Variants in FSTL5 observed in about 807,000 individuals in gnomAD.
FSTL5 encodes follistatin-related protein 5.
Under a neutral mutation model 89.1 loss-of-function variants are expected in FSTL5, and 62 were observed. The observed-to-expected ratio is 0.70, with a 90% CI of 0.57 to 0.86. The LOEUF is 0.86. FSTL5 is among the 40% of genes least tolerant of loss of function. The pLI is 0.00. For missense variants in FSTL5, 1,057 were observed against 1,001.6 expected (o/e 1.06, Z -0.75); for synonymous variants, 383 against 346.2 (o/e 1.11, Z -1.18).
chr4:161,642,106 A>T (rs147263440), intron 7 of FSTL5, among the ~76,000 whole-genome samples: 1 of 152,204 alleles, frequency 6.6e-6, no homozygotes, highest in Non-Finnish European at 1.5e-5. Flanking sequence ...ATATATGTGT[A>T]CATTGTGAAA....
chr4:161,714,243 T>C (rs554796040), intron 6 of FSTL5, among the ~76,000 whole-genome samples: 6 of 152,338 alleles, frequency 3.9e-5, no homozygotes, highest in African/African-American at 1.4e-4. Flanking sequence ...GGTCACTTCA[T>C]GACATGCTTT....
intron 7 of FSTL5, among the ~76,000 whole-genome samples, chr4:161,630,406 T>C (rs1735465771): frequency 6.6e-6 from 1 of 152,226 alleles, no homozygotes; most frequent in African/African-American, 2.4e-5. Flanking sequence ...TCTCTCCAGG[T>C]CAGCTCAAGC....
At chr4:161,459,442 T>A in intron 13 of FSTL5, 123 bp from the exon 14 acceptor site, 1 of 579,186 alleles carries the variant, frequency 1.7e-6, no homozygotes, top group Non-Finnish European at 3.1e-6. Context: ...AAATATATAA[T>A]TTCCTTAGCC....
At chr4:162,034,653 C>A (rs4691807) in intron 2 of FSTL5, among the ~76,000 whole-genome samples, 14,203 of 152,022 alleles carry the variant, frequency 0.093, 782 homozygotes, top group Non-Finnish European at 0.12. Context: ...CAGGGTCTCA[C>A]ACTGAAAATA....
At chr4:162,006,253 T>C (rs567501147) in intron 3 of FSTL5, among the ~76,000 whole-genome samples, 10 of 152,146 alleles carry the variant, frequency 6.6e-5, no homozygotes, top group South Asian at 4.1e-4. Flanking sequence ...TTAATAACAT[T>C]TATATCTTTA....
chr4:161,640,280 T>C (rs1211085160), intron 7 of FSTL5, among the ~76,000 whole-genome samples: 1 of 152,088 alleles, frequency 6.6e-6, no homozygotes, highest in Non-Finnish European at 1.5e-5. Flanking sequence ...TATGAAGAAA[T>C]GGGAAAGCCT....
At chr4:161,702,343 A>G (rs1738424772) in intron 6 of FSTL5, among the ~76,000 whole-genome samples, 1 of 152,182 alleles carries the variant, frequency 6.6e-6, no homozygotes, top group Admixed American at 6.6e-5. Flanking sequence ...AATTTAGTTC[A>G]TTTGAAATCT....
At position 161,568,462 on chromosome 4, in the gene FSTL5, ATGCT is replaced by A. The variant is rs1732893516; in HGVS notation, c.1015+18989_1015+18992del. Among the ~76,000 whole-genome samples, 3 of 152,296 alleles carry A rather than the reference ATGCT, an allele frequency of 2.0e-5. No homozygotes were observed. The South Asian group carries it at 6.2e-4, about 32-fold the overall frequency. The stretch of plus-strand genomic sequence containing the variant: ...TTACAGTAGGGAAGTTAGCTTTTAT[ATGCT>A]GCAGCCTCCGCAGGTGGCTTTGGGT... On this transcript the variant is annotated intron_variant, in intron 8 of 15. Transcript: ENST00000306100.
At chr4:161,600,507 C>T (rs1734193159) in intron 7 of FSTL5, among the ~76,000 whole-genome samples, 1 of 151,930 alleles carries the variant, frequency 6.6e-6, no homozygotes, top group African/African-American at 2.4e-5. Context: ...GCAATAAAAA[C>T]TGAGTTAGTA....
chr4:161,974,343 T>A (rs1313597032), intron 3 of FSTL5, among the ~76,000 whole-genome samples: 2 of 151,634 alleles, frequency 1.3e-5, no homozygotes, highest in African/African-American at 2.4e-5. Context: ...ACTACCTGAC[T>A]TCAAACTATA....
chr4:161,504,664 C>T (rs72683742), intron 11 of FSTL5, among the ~76,000 whole-genome samples: 29,794 of 151,574 alleles, frequency 0.2, 3,770 homozygotes, highest in Non-Finnish European at 0.28. Flanking sequence ...AGAATTACTC[C>T]TGCAGTCTTA....
At chr4:162,012,389 G>T (rs983567469) in intron 3 of FSTL5, among the ~76,000 whole-genome samples, 14 of 152,122 alleles carry the variant, frequency 9.2e-5, no homozygotes, top group Middle Eastern at 6.8e-3. Context: ...CTTTTGCATT[G>T]ATATAACCTT....
intron 4 of FSTL5, among the ~76,000 whole-genome samples, chr4:161,919,867 T>C (rs907286119): frequency 1.3e-5 from 2 of 152,176 alleles, no homozygotes; most frequent in Non-Finnish European, 2.9e-5. Context: ...TGAATACCAG[T>C]ACTTTAAAAA....
chr4:161,864,850 G>A (rs556700906), intron 4 of FSTL5, among the ~76,000 whole-genome samples: 74 of 120,458 alleles, frequency 6.1e-4, no homozygotes, highest in African/African-American at 2.2e-3. Context: ...CCGGGCTGAC[G>A]ACAGAGCAAG....
chr4:162,144,271 T>A (rs1349372535), intron 1 of FSTL5, among the ~76,000 whole-genome samples: 1 of 152,212 alleles, frequency 6.6e-6, no homozygotes, highest in African/African-American at 2.4e-5. Context: ...TATATAGCTA[T>A]AACTTAATTA....
intron 2 of FSTL5, among the ~76,000 whole-genome samples, chr4:162,049,356 T>C (rs1382251173): frequency 6.6e-6 from 1 of 152,204 alleles, no homozygotes; most frequent in Non-Finnish European, 1.5e-5. Flanking sequence ...AATTTTAGTG[T>C]AACCCAAATC....
intron 6 of FSTL5, among the ~76,000 whole-genome samples, chr4:161,678,598 C>T (rs183790130): frequency 1.4e-4 from 21 of 151,958 alleles, no homozygotes; most frequent in African/African-American, 5.1e-4. Flanking sequence ...TTTATCACAG[C>T]TGCAGATATA....
chr4:161,940,819 A>AAAAAC (rs201496551), intron 3 of FSTL5, among the ~76,000 whole-genome samples: 186 of 151,932 alleles, frequency 1.2e-3, no homozygotes, highest in African/African-American at 3.6e-3. Context: ...GCAACATGAA[A>AAAAAC]AAAACAAAAC....
At position 161,879,155 on chromosome 4, in the gene FSTL5, T is replaced by G. The variant is rs190875604; in HGVS notation, c.409+41249A>C. On this transcript the variant is annotated intron_variant, in intron 4 of 15. Transcript: ENST00000306100. ...TGGAACCTTGGTGATATTACCAACATCTCTCTGTCTCATCTGTTGCCTCAT... is the reference window on the plus strand; with the variant it reads ...TGGAACCTTGGTGATATTACCAACAGCTCTCTGTCTCATCTGTTGCCTCAT... Among the ~76,000 whole-genome samples, 3 of 152,164 alleles carry G rather than the reference T, an allele frequency of 2.0e-5. No individual in the cohort carries two copies. In the South Asian group the frequency reaches 6.2e-4, roughly 32 times the overall value.
Sources: allele counts gnomAD v4.1 joint callset (sites outside exome capture counted in the v4.1 genomes callset), GRCh38; gene constraint gnomAD v4.1.1; transcripts MANE v1.5; gene names NCBI Gene and HGNC (gene_info 2026-07-23, HGNC 2026-07-21).